DLGAP1: variants seen among roughly 807,000 people sequenced by gnomAD.
The protein encoded by DLGAP1 is DLG associated protein 1.
A neutral mutation model predicts 90.8 loss-of-function variants in DLGAP1; 11 were observed. That is an observed-to-expected ratio of 0.12 (90% CI 0.08 to 0.20). DLGAP1 has a LOEUF of 0.20. Among genes scored for constraint, DLGAP1 ranks in the 10% least tolerant of loss-of-function variants. The pLI is 1.00. For missense variants in DLGAP1, 1,050 were observed against 1,333.8 expected (o/e 0.79, Z 3.31); for synonymous variants, 558 against 540.7 (o/e 1.03, Z -0.44).
Position 3,727,778 on chromosome 18 carries a change from T to C in DLGAP1, c.1591+1357A>G, listed in dbSNP as rs1431086569. On this transcript the variant is annotated intron_variant, in intron 7 of 12. Coordinates refer to ENST00000315677, the MANE Select transcript of DLGAP1 (RefSeq NM_004746.4). The surrounding 1 kb of genome is among the most constrained non-coding windows in gnomAD (Gnocchi z 4.7). ...CTCATTTAATTTATTAACCTGTGGT[T>C]GTTCTTGGAGAATTTCCTAGTGAGC... The C allele has an allele frequency of 1.3e-5, 2 of 152,216 alleles. No homozygotes were observed. The highest frequency in any genetic ancestry group is 2.4e-5 in the African/African-American group (1 of 41,452). The allele number at this position is 152,216 out of a possible 1,614,324, so 9.4% of individuals were successfully genotyped here.
intron 6 of DLGAP1, among the ~76,000 whole-genome samples, chr18:3,738,282 T>A (rs1193760078): frequency 6.9e-6 from 1 of 145,506 alleles, no homozygotes; most frequent in Non-Finnish European, 1.5e-5. Context: ...TACTTTAAAG[T>A]TCATATGGAA....
chr18:3,960,747 C>T (rs2073181097), intron 3 of DLGAP1, among the ~76,000 whole-genome samples: 1 of 152,212 alleles, frequency 6.6e-6, no homozygotes, highest in South Asian at 2.1e-4. Context: ...GAGGTTCAGT[C>T]CTCGGCGCCT....
intron 2 of DLGAP1, among the ~76,000 whole-genome samples, chr18:4,036,452 C>T (rs892503967): frequency 6.6e-6 from 1 of 152,074 alleles, no homozygotes; most frequent in African/African-American, 2.4e-5. Context: ...GGTCCCTTCC[C>T]CAAGTTTGAC....
intron 2 of DLGAP1, among the ~76,000 whole-genome samples, chr18:4,072,354 T>C (rs2075461085): frequency 6.6e-6 from 1 of 152,114 alleles, no homozygotes; most frequent in Non-Finnish European, 1.5e-5. Context: ...GTGTCCTAAA[T>C]AGTCAATGTA....
At chr18:4,204,340 C>A (rs2077673587) in intron 1 of DLGAP1, among the ~76,000 whole-genome samples, 1 of 152,188 alleles carries the variant, frequency 6.6e-6, no homozygotes, top group Non-Finnish European at 1.5e-5. Flanking sequence ...TTTCATTCTC[C>A]AGTAAGCTCA....
At chr18:3,659,806 C>T (rs555158615) in intron 7 of DLGAP1, among the ~76,000 whole-genome samples, 22 of 152,196 alleles carry the variant, frequency 1.4e-4, no homozygotes, top group Non-Finnish European at 1.2e-4. Flanking sequence ...CCTCATGATC[C>T]GCCTGCCTCG....
intron 1 of DLGAP1, among the ~76,000 whole-genome samples, chr18:4,369,708 A>C (rs1422796897): frequency 1.3e-5 from 2 of 150,338 alleles, no homozygotes; most frequent in Admixed American, 6.6e-5. Context: ...AAAGGGAATG[A>C]GAGTGTGTGA....
intron 1 of DLGAP1, among the ~76,000 whole-genome samples, chr18:4,303,693 A>G (rs2080182132): frequency 6.6e-6 from 1 of 152,218 alleles, no homozygotes; most frequent in Non-Finnish European, 1.5e-5. Flanking sequence ...TGTGGCACCC[A>G]CTTCATTTCC....
At chr18:3,829,680 A>C (rs2067925115) in intron 4 of DLGAP1, among the ~76,000 whole-genome samples, 1 of 152,204 alleles carries the variant, frequency 6.6e-6, no homozygotes, top group African/African-American at 2.4e-5. Context: ...TTGTCAATAA[A>C]ACCTCAATTT....
intron 3 of DLGAP1, among the ~76,000 whole-genome samples, chr18:3,915,250 A>C (rs1449837654): frequency 1.3e-5 from 2 of 152,208 alleles, no homozygotes; most frequent in Non-Finnish European, 2.9e-5. Flanking sequence ...TCTTTTAATA[A>C]GAATTTTACT....
At chr18:3,953,633 G>A (rs576753923) in intron 3 of DLGAP1, among the ~76,000 whole-genome samples, 26 of 152,220 alleles carry the variant, frequency 1.7e-4, no homozygotes, top group South Asian at 6.2e-4. Context: ...TGTGATTAGC[G>A]CTGAGATAAA....
At chr18:4,355,025 C>T (rs534510124) in intron 1 of DLGAP1, among the ~76,000 whole-genome samples, 3 of 151,544 alleles carry the variant, frequency 2.0e-5, no homozygotes, top group East Asian at 1.9e-4. Flanking sequence ...ACATTGCTAG[C>T]GAAAATGTAA....
chr18:3,714,583 T>C (rs555964046), intron 7 of DLGAP1, among the ~76,000 whole-genome samples: 2 of 151,942 alleles, frequency 1.3e-5, no homozygotes, highest in African/African-American at 4.8e-5. Context: ...GTTGCACACA[T>C]TCAGCTTGAC....
chr18:4,154,271 A>G (rs1395990552), intron 1 of DLGAP1, among the ~76,000 whole-genome samples: 9 of 147,870 alleles, frequency 6.1e-5, no homozygotes, highest in Non-Finnish European at 8.9e-5. Context: ...GAGTCTCTCC[A>G]TGTTGCTCAG....
chr18:3,958,701 A>G (rs1016803551), intron 3 of DLGAP1, among the ~76,000 whole-genome samples: 1 of 151,292 alleles, frequency 6.6e-6, no homozygotes, highest in Non-Finnish European at 1.5e-5. Context: ...TGCTTCCTGC[A>G]GCATTATTCC....
intron 1 of DLGAP1, among the ~76,000 whole-genome samples, chr18:4,165,547 G>A (rs936046282): frequency 6.6e-5 from 10 of 152,252 alleles, no homozygotes; most frequent in East Asian, 5.8e-4. Flanking sequence ...ACAAGTAAAA[G>A]AGCAGAAATA....
chr18:3,936,364 T>C (rs138901949), intron 3 of DLGAP1, among the ~76,000 whole-genome samples: 50 of 152,330 alleles, frequency 3.3e-4, no homozygotes, highest in Middle Eastern at 6.8e-3. Flanking sequence ...AAAATTCTTC[T>C]TTGCCCCACA....
At chr18:3,785,688 T>A (rs1270809452) in intron 5 of DLGAP1, among the ~76,000 whole-genome samples, 1 of 152,190 alleles carries the variant, frequency 6.6e-6, no homozygotes, top group East Asian at 1.9e-4. Context: ...TGGGTTTGCA[T>A]CCTCAGTGTT....
intron 2 of DLGAP1, among the ~76,000 whole-genome samples, chr18:4,048,383 G>A (rs2075086363): frequency 6.6e-6 from 1 of 152,054 alleles, no homozygotes; most frequent in Non-Finnish European, 1.5e-5. Context: ...TCCTTATCTT[G>A]TACCATATTG....
Sources: allele counts gnomAD v4.1 joint callset (sites outside exome capture counted in the v4.1 genomes callset), GRCh38; gene constraint gnomAD v4.1.1; non-coding constraint Gnocchi (gnomAD v3.1); transcripts MANE v1.5; gene names NCBI Gene and HGNC (gene_info 2026-07-23, HGNC 2026-07-21).